The following UVRAG variants were observed in gnomAD, a reference collection of about 807,000 sequenced individuals.
The protein encoded by UVRAG is UV radiation resistance associated, also known as UV radiation resistance-associated gene protein.
UVRAG carries 19 observed loss-of-function variants against 78.0 expected under a neutral mutation model. The ratio of observed to expected loss-of-function variants is 0.24; its 90% CI spans 0.17 to 0.36. The LOEUF (loss-of-function observed/expected upper bound fraction) is 0.36. Ranked by LOEUF, UVRAG falls within the 10% of genes least tolerant of loss-of-function variation. UVRAG has a pLI of 1.00. For synonymous variants in UVRAG, 323 were observed against 324.6 expected (o/e 1.00, Z 0.05); for missense variants, 740 against 853.8 (o/e 0.87, Z 1.66).
In UVRAG at chr11:75,948,368, G is replaced by C. The variant is rs75240380; in HGVS notation, c.594-13076G>C. On this transcript the variant is annotated intron_variant, in intron 6 of 14. Coordinates refer to ENST00000356136, the MANE Select transcript of UVRAG (RefSeq NM_003369.4). Reference sequence around the variant, plus strand: ...AAGGCCTTTTATTAACGCAGAACCAGGGTGCTTACAGTGGGAATGATGAAA... The same window carrying C: ...AAGGCCTTTTATTAACGCAGAACCACGGTGCTTACAGTGGGAATGATGAAA... Among the ~76,000 whole-genome samples, 775 of 152,246 alleles carry C rather than the reference G, an allele frequency of 5.1e-3. 9 individuals carry two copies. Among genetic ancestry groups the C allele is most frequent in the African/African-American group, 0.018 (735 of 41,546 alleles).
intron 13 of UVRAG, among the ~76,000 whole-genome samples, chr11:76,073,260 A>G (rs1327823173): frequency 6.6e-6 from 1 of 152,168 alleles, no homozygotes; most frequent in Non-Finnish European, 1.5e-5. Context: ...GTTTCAAGGA[A>G]AAGCACATGT....
intron 5 of UVRAG, among the ~76,000 whole-genome samples, chr11:75,893,977 TTAC>T (rs1468465176): frequency 3.9e-5 from 6 of 152,110 alleles, no homozygotes; most frequent in African/African-American, 1.4e-4. Context: ...GATTGAGAGT[TTAC>T]TACCCACAGA....
intron 13 of UVRAG, among the ~76,000 whole-genome samples, chr11:76,076,693 T>C (rs142616826): frequency 2.0e-3 from 304 of 152,350 alleles, no homozygotes; most frequent in Non-Finnish European, 3.3e-3. Context: ...TTTTTTCTAA[T>C]GGCTAATGAT....
chr11:75,853,592 C>T (rs1403798659), intron 2 of UVRAG, among the ~76,000 whole-genome samples: 3 of 151,434 alleles, frequency 2.0e-5, no homozygotes, highest in African/African-American at 4.9e-5. Flanking sequence ...AACTCCTGAC[C>T]TCTGCCTGCC....
At chr11:75,927,328 CA>C (rs926190966) in intron 6 of UVRAG, among the ~76,000 whole-genome samples, 4 of 152,226 alleles carry the variant, frequency 2.6e-5, no homozygotes, top group Admixed American at 2.6e-4. Context: ...CTTGGCCTCC[CA>C]AAGTGCTGGG....
chr11:76,082,696 G>T (rs1951520248), intron 13 of UVRAG, among the ~76,000 whole-genome samples: 1 of 152,108 alleles, frequency 6.6e-6, no homozygotes, highest in South Asian at 2.1e-4. Flanking sequence ...AGAATTTTCA[G>T]CTAGAGCGCT....
At chr11:75,865,596 C>T (rs1375402056) in intron 3 of UVRAG, among the ~76,000 whole-genome samples, 1 of 151,524 alleles carries the variant, frequency 6.6e-6, no homozygotes, top group Non-Finnish European at 1.5e-5. Context: ...CAGCACAGTT[C>T]TAGATGCTTC....
chr11:75,854,021 C>T (rs1946226779), intron 2 of UVRAG, among the ~76,000 whole-genome samples: 1 of 152,098 alleles, frequency 6.6e-6, no homozygotes, highest in Non-Finnish European at 1.5e-5. Context: ...GATCCCACAC[C>T]TGCCTCAGCC....
At chr11:75,992,277 ATC>A (rs1949622967) in intron 8 of UVRAG, among the ~76,000 whole-genome samples, 1 of 152,158 alleles carries the variant, frequency 6.6e-6, no homozygotes, top group South Asian at 2.1e-4. Context: ...ACATTCTTGA[ATC>A]TCTATTTTAT....
intron 2 of UVRAG, among the ~76,000 whole-genome samples, chr11:75,854,452 G>A (rs1034907904): frequency 6.6e-6 from 1 of 151,754 alleles, no homozygotes; most frequent in Admixed American, 6.6e-5. Context: ...GTCTCAGTCT[G>A]TTTGCCCAGG....
chr11:76,007,632 A>C lies in UVRAG; in HGVS notation c.999+11A>C. 1 of 1,602,544 alleles carries C rather than the reference A, an allele frequency of 6.2e-7. No individual in the cohort carries two copies. Among genetic ancestry groups the C allele is most frequent in the South Asian group, 1.1e-5 (1 of 88,710 alleles). On this transcript the variant is annotated intron_variant, in intron 10 of 14. Transcript: ENST00000356136. Reference sequence around the variant, plus strand: ...TACCCTATTGATTTGGTAAGTTTCAAATTTTCTGAAAATATTTTTCGTTTT... The same window carrying C: ...TACCCTATTGATTTGGTAAGTTTCACATTTTCTGAAAATATTTTTCGTTTT...
At chr11:75,887,774 G>A (rs1351622176) in intron 4 of UVRAG, among the ~76,000 whole-genome samples, 1 of 151,938 alleles carries the variant, frequency 6.6e-6, no homozygotes, top group Non-Finnish European at 1.5e-5. Flanking sequence ...AGTAGAGACG[G>A]GGTTTCGCCA....
intron 8 of UVRAG, among the ~76,000 whole-genome samples, chr11:75,985,968 T>G (rs905672871): frequency 2.6e-4 from 39 of 152,312 alleles, no homozygotes; most frequent in African/African-American, 9.4e-4. Context: ...GTTCTTCAGC[T>G]TAATTGTTTT....
At chr11:75,856,136 T>G (rs1262839894) in intron 2 of UVRAG, among the ~76,000 whole-genome samples, 1 of 150,274 alleles carries the variant, frequency 6.7e-6, no homozygotes, top group Admixed American at 6.6e-5. Flanking sequence ...ACTACAGGCA[T>G]CCGCCACCAC....
chr11:76,126,236 C>T (rs955113396), intron 14 of UVRAG, among the ~76,000 whole-genome samples: 3 of 151,922 alleles, frequency 2.0e-5, no homozygotes, highest in South Asian at 2.1e-4. Context: ...CCACCATGCC[C>T]GGCCTGGCAG....
chr11:75,914,911 C>T (rs1490284240), intron 6 of UVRAG, among the ~76,000 whole-genome samples: 1 of 152,146 alleles, frequency 6.6e-6, no homozygotes, highest in Non-Finnish European at 1.5e-5. Context: ...AAAATGGGCA[C>T]TCTTGACTAA....
rs1591267061 is a variant in UVRAG at position 76,128,103 on chromosome 11, C to T, written c.1397+12088C>T. On this transcript the variant is annotated intron_variant, in intron 14 of 14. Coordinates refer to ENST00000356136, the MANE Select transcript of UVRAG (RefSeq NM_003369.4). ...CATTCATTAGCACTGGGGTCCCCAA[C>T]CCTCGGCCATGTACCAGTAGCAGTC... Among the ~76,000 whole-genome samples, 9 of 152,292 alleles carry T rather than the reference C, an allele frequency of 5.9e-5. No individual in the cohort carries two copies. In the South Asian group the frequency reaches 1.9e-3, roughly 32 times the overall value.
intron 12 of UVRAG, among the ~76,000 whole-genome samples, chr11:76,053,771 A>G (rs1950921127): frequency 1.3e-5 from 2 of 152,138 alleles, no homozygotes; most frequent in South Asian, 4.1e-4. Flanking sequence ...GGAGATCGAG[A>G]CCAGCCTGGC....
In UVRAG at chr11:75,856,206, T is replaced by C. The variant is rs1423523641; in HGVS notation, c.235+4206T>C. On this transcript the variant is annotated intron_variant, in intron 2 of 14. Coordinates refer to ENST00000356136, the MANE Select transcript of UVRAG (RefSeq NM_003369.4). ...GGGTTTCACTGTGTTTGTTTCACCG[T>C]GTTAGCCAGGATAGTCTCGATCTCC... Among the ~76,000 whole-genome samples the C allele has an allele frequency of 1.3e-5, 2 of 152,080 alleles. 1 individual carries two copies. The highest frequency in any genetic ancestry group is 2.9e-5 in the Non-Finnish European group (2 of 68,020).
Sources: allele counts gnomAD v4.1 joint callset (sites outside exome capture counted in the v4.1 genomes callset), GRCh38; gene constraint gnomAD v4.1.1; transcripts MANE v1.5; gene names NCBI Gene and HGNC (gene_info 2026-07-23, HGNC 2026-07-21).